TBC1D5: variants seen among roughly 807,000 people sequenced by gnomAD.
TBC1D5 encodes the protein TBC1 domain family member 5.
TBC1D5 carries 75 observed loss-of-function variants against 100.3 expected under a neutral mutation model. The observed-to-expected ratio is 0.75, with a 90% CI of 0.62 to 0.91. The LOEUF is 0.91. TBC1D5 is among the 40% of genes least tolerant of loss of function. The probability of loss-of-function intolerance (pLI) is 0.00; values close to 1 mark genes in which losing one functional copy is unlikely to be tolerated. For synonymous variants in TBC1D5, 323 were observed against 325.6 expected (o/e 0.99, Z 0.09); for missense variants, 910 against 942.4 (o/e 0.97, Z 0.45).
At chr3:17,683,622 C>A (rs944970671) in intron 1 of TBC1D5, among the ~76,000 whole-genome samples, 1 of 152,156 alleles carries the variant, frequency 6.6e-6, no homozygotes, top group Non-Finnish European at 1.5e-5. Flanking sequence ...GGAGTACTAT[C>A]TATGTGTACA....
At chr3:17,591,623 C>T (rs1237509722) in intron 2 of TBC1D5, among the ~76,000 whole-genome samples, 1 of 152,144 alleles carries the variant, frequency 6.6e-6, no homozygotes, top group Non-Finnish European at 1.5e-5. Context: ...CAAGTCCGAC[C>T]TACAGTGGGT....
intron 17 of TBC1D5, among the ~76,000 whole-genome samples, chr3:17,231,185 T>C (rs565159075): frequency 4.6e-4 from 70 of 152,290 alleles, no homozygotes; most frequent in African/African-American, 1.6e-3. Context: ...TTAAAGCTTT[T>C]TGATTTGTGA....
At chr3:17,253,574 C>T (rs1574969936) in intron 16 of TBC1D5, among the ~76,000 whole-genome samples, 1 of 152,198 alleles carries the variant, frequency 6.6e-6, no homozygotes. Flanking sequence ...TAACCACCAT[C>T]CCAAATAATA....
chr3:17,214,466 C>T, intron 17 of TBC1D5, 96 bp from the exon 19 acceptor site: 5 of 1,274,352 alleles, frequency 3.9e-6, no homozygotes, highest in Non-Finnish European at 5.4e-6. Flanking sequence ...AATTATGATG[C>T]CACTAGGTTG....
chr3:17,665,984 C>T (rs2067216766), intron 1 of TBC1D5, among the ~76,000 whole-genome samples: 1 of 152,122 alleles, frequency 6.6e-6, no homozygotes. Flanking sequence ...CCAAAGGTAC[C>T]TTCCAATTAT....
chr3:17,376,510 A>G lies in TBC1D5; in HGVS notation c.701+15T>C, dbSNP rs770572320. The G allele has an allele frequency of 1.4e-6, 2 of 1,437,062 alleles. No individual in the cohort carries two copies. The highest frequency in any genetic ancestry group is 2.2e-5 in the Admixed American group (1 of 45,596). The allele number at this position is 1,437,062 out of a possible 1,614,324, so 89.0% of individuals were successfully genotyped here. Reference sequence around the variant, plus strand: ...CTAAAAAACAAATGGAGCTCATATTAAAAAAAAAACTTGCCTGGGCTGTGC... The same window carrying G: ...CTAAAAAACAAATGGAGCTCATATTGAAAAAAAAACTTGCCTGGGCTGTGC... On this transcript the variant is annotated intron_variant, in intron 10 of 21. Transcript: ENST00000253692.
chr3:17,199,187 C>T (rs768196479), intron 18 of TBC1D5, among the ~76,000 whole-genome samples: 12 of 152,218 alleles, frequency 7.9e-5, no homozygotes, highest in African/African-American at 2.4e-4. Flanking sequence ...AATCTAAATC[C>T]GAAATCAAGG....
chr3:17,234,202 T>C (rs907060220), intron 17 of TBC1D5, among the ~76,000 whole-genome samples: 1 of 152,138 alleles, frequency 6.6e-6, no homozygotes, highest in South Asian at 2.1e-4. Context: ...AGTGATAAGA[T>C]AAAGTCCTCA....
intron 15 of TBC1D5, among the ~76,000 whole-genome samples, chr3:17,259,580 A>G (rs2078070290): frequency 6.6e-6 from 1 of 152,182 alleles, no homozygotes; most frequent in South Asian, 2.1e-4. Flanking sequence ...GAACCAAGGC[A>G]TGCACTTCCT....
intron 2 of TBC1D5, among the ~76,000 whole-genome samples, chr3:17,535,881 G>T (rs967009679): frequency 2.0e-5 from 3 of 151,846 alleles, no homozygotes; most frequent in Admixed American, 1.3e-4. Context: ...AAAACATTAT[G>T]GCAATTACCA....
At chr3:17,500,908 A>G (rs2095779964) in intron 3 of TBC1D5, among the ~76,000 whole-genome samples, 1 of 149,378 alleles carries the variant, frequency 6.7e-6, no homozygotes, top group Admixed American at 6.6e-5. Context: ...AGTCTCTCAT[A>G]TCCAACTTTT....
chr3:17,246,219 C>T (rs1482754806), intron 16 of TBC1D5, among the ~76,000 whole-genome samples: 1 of 151,850 alleles, frequency 6.6e-6, no homozygotes, highest in African/African-American at 2.4e-5. Flanking sequence ...TGTAGAAAAA[C>T]AAAGGAATAT....
intron 18 of TBC1D5, among the ~76,000 whole-genome samples, chr3:17,208,106 T>C (rs1355065961): frequency 3.9e-5 from 6 of 152,180 alleles, no homozygotes; most frequent in Non-Finnish European, 8.8e-5. Flanking sequence ...CGAAAGCAAA[T>C]TGGATCCATG....
intron 3 of TBC1D5, among the ~76,000 whole-genome samples, chr3:17,436,298 G>A (rs2149469019): frequency 6.6e-6 from 1 of 152,228 alleles, no homozygotes; most frequent in African/African-American, 2.4e-5. Context: ...GATTAAATGA[G>A]ATAAATGTAT....
chr3:17,612,904 T>TA (rs1395109160), intron 2 of TBC1D5, among the ~76,000 whole-genome samples: 3 of 150,676 alleles, frequency 2.0e-5, no homozygotes, highest in Admixed American at 6.6e-5. Flanking sequence ...TTTTTTTTTT[T>TA]ATTAAAGTTC....
At chr3:17,494,922 C>CTAAAAGAG (rs2095686844) in intron 3 of TBC1D5, among the ~76,000 whole-genome samples, 1 of 152,208 alleles carries the variant, frequency 6.6e-6, no homozygotes, top group Non-Finnish European at 1.5e-5. Flanking sequence ...AGGGGATACC[C>CTAAAAGAG]TGATCCCTGG....
chr3:17,668,153 A>AATATATATATATATTTAAGAT, intron 1 of TBC1D5, among the ~76,000 whole-genome samples: 1 of 147,726 alleles, frequency 6.8e-6, no homozygotes, highest in East Asian at 2.0e-4. Flanking sequence ...TTCACTTAAA[A>AATATATATATATATTTAAGAT]ATATATATAT....
chr3:17,448,446 C>T (rs2094849078), intron 3 of TBC1D5, among the ~76,000 whole-genome samples: 1 of 152,154 alleles, frequency 6.6e-6, no homozygotes, highest in Non-Finnish European at 1.5e-5. Flanking sequence ...TTTGCTCTGA[C>T]ACATCAGAGG....
At chr3:17,281,207 C>T (rs1297027493) in intron 15 of TBC1D5, among the ~76,000 whole-genome samples, 1 of 152,100 alleles carries the variant, frequency 6.6e-6, no homozygotes, top group Non-Finnish European at 1.5e-5. Flanking sequence ...GATGGTTCCA[C>T]GATGCTACTG....
Sources: allele counts gnomAD v4.1 joint callset (sites outside exome capture counted in the v4.1 genomes callset), GRCh38; gene constraint gnomAD v4.1.1; transcripts MANE v1.5; gene names NCBI Gene and HGNC (gene_info 2026-07-23, HGNC 2026-07-21).